The following VEPH1 variants were observed in gnomAD, a reference collection of about 807,000 sequenced individuals.
VEPH1 encodes ventricular zone-expressed PH domain-containing protein homolog 1.
Under a neutral mutation model 85.2 loss-of-function variants are expected in VEPH1, and 80 were observed. The ratio of observed to expected loss-of-function variants is 0.94; its 90% confidence interval spans 0.78 to 1.13. The LOEUF (loss-of-function observed/expected upper bound fraction) is 1.13. Among genes scored for constraint, VEPH1 ranks in the 50% most tolerant of loss-of-function variants. The probability of loss-of-function intolerance (pLI) is 0.00; values close to 1 mark genes in which losing one functional copy is unlikely to be tolerated. For missense variants in VEPH1, 955 were observed against 980.5 expected (o/e 0.97, Z 0.35); for synonymous variants, 297 against 348.0 (o/e 0.85, Z 1.63).
At chr3:157,438,660 GGA>G (rs1208456076) in intron 4 of VEPH1, among the ~76,000 whole-genome samples, 1 of 152,136 alleles carries the variant, frequency 6.6e-6, no homozygotes, top group Admixed American at 6.5e-5. Flanking sequence ...GGGCCAAGCA[GGA>G]GAGAGACTGT....
intron 2 of VEPH1, among the ~76,000 whole-genome samples, chr3:157,484,176 G>A (rs1181485112): frequency 6.6e-6 from 1 of 152,122 alleles, no homozygotes; most frequent in Non-Finnish European, 1.5e-5. Flanking sequence ...GAAATGAAAT[G>A]GCTGCCAATC....
At chr3:157,269,127 A>G (rs568810720) in intron 12 of VEPH1, among the ~76,000 whole-genome samples, 130 of 152,360 alleles carry the variant, frequency 8.5e-4, no homozygotes, top group Middle Eastern at 3.4e-3. Flanking sequence ...ATTTAAGTAC[A>G]TGGATCCTTT....
chr3:157,263,735 A>C (rs1395867626), intron 13 of VEPH1, among the ~76,000 whole-genome samples: 30 of 152,238 alleles, frequency 2.0e-4, no homozygotes, highest in Non-Finnish European at 2.9e-5. Context: ...TTTTTCATTC[A>C]AAAAGTTAAC....
intron 2 of VEPH1, among the ~76,000 whole-genome samples, chr3:157,494,665 A>G (rs1429199123): frequency 1.3e-5 from 2 of 152,138 alleles, no homozygotes; most frequent in Non-Finnish European, 2.9e-5. Flanking sequence ...AAGCAAGGGA[A>G]AGATAAAAAT....
intron 13 of VEPH1, among the ~76,000 whole-genome samples, chr3:157,261,970 T>C (rs6441123): frequency 0.4 from 60,711 of 151,960 alleles, 12,600 homozygotes; most frequent in East Asian, 0.57. Flanking sequence ...TGGGCTAAGA[T>C]GAATAATTTT....
At chr3:157,362,626 A>AT (rs1381700628) in intron 9 of VEPH1, among the ~76,000 whole-genome samples, 3 of 152,122 alleles carry the variant, frequency 2.0e-5, no homozygotes, top group African/African-American at 4.8e-5. Flanking sequence ...CAACCATTCT[A>AT]TTTTTCACTT....
At chr3:157,418,782 C>T (rs1732112342) in intron 5 of VEPH1, among the ~76,000 whole-genome samples, 1 of 152,132 alleles carries the variant, frequency 6.6e-6, no homozygotes, top group South Asian at 2.1e-4. Context: ...AGATTCAATG[C>T]TACTCTCATT....
chr3:157,332,985 A>G (rs929744664), intron 9 of VEPH1, among the ~76,000 whole-genome samples: 2 of 152,198 alleles, frequency 1.3e-5, no homozygotes, highest in African/African-American at 4.8e-5. Flanking sequence ...CAATACTCAA[A>G]TCAGGATCAT....
intron 12 of VEPH1, among the ~76,000 whole-genome samples, chr3:157,278,179 G>A (rs1715635207): frequency 6.6e-6 from 1 of 152,176 alleles, no homozygotes; most frequent in East Asian, 1.9e-4. Flanking sequence ...TGGAGAAGAA[G>A]TTTGGGGTGC....
chr3:157,477,419 T>C (rs1737584841), intron 2 of VEPH1, among the ~76,000 whole-genome samples: 4 of 152,224 alleles, frequency 2.6e-5, no homozygotes, highest in African/African-American at 9.6e-5. Context: ...AATTATATTA[T>C]ATCTGAAAAG....
At chr3:157,330,235 CTA>C (rs1318735434) in intron 9 of VEPH1, among the ~76,000 whole-genome samples, 2 of 152,164 alleles carry the variant, frequency 1.3e-5, no homozygotes, top group Admixed American at 1.3e-4. Flanking sequence ...AGCAAGACCT[CTA>C]TAGTCAATTT....
At position 157,381,089 on chromosome 3, in the gene VEPH1, A is replaced by G; in HGVS notation, c.1127+67T>C. 2.0e-6 allele frequency: 3 copies of G among 1,522,810 alleles called. No individual in the cohort carries two copies. In the Admixed American group the frequency reaches 5.0e-5, roughly 25 times the overall value. The allele number at this position is 1,522,810 out of a possible 1,614,324, so 94.3% of individuals were successfully genotyped here. A position where few individuals can be genotyped will look rare whatever the true frequency, so the allele number is the denominator to read the frequency against. ...CTTCCTTTGGAAGTTAGAGAGGCTT[A>G]ACTGTCTGCATTCTACCCCCACAGG... On this transcript the variant is annotated intron_variant, in intron 7 of 13. Coordinates refer to ENST00000362010, the MANE Select transcript of VEPH1 (RefSeq NM_001167912.2).
chr3:157,313,604 A>G lies in VEPH1; in HGVS notation c.2010+17T>C. On this transcript the variant is annotated intron_variant, in intron 11 of 13. Coordinates refer to ENST00000362010, the MANE Select transcript of VEPH1 (RefSeq NM_001167912.2). ...TAAATCTTGGCCTGTAACATGGCCA[A>G]GGAAAGGAATATTTACCTTCTGCTG... is the stretch of plus-strand genomic sequence containing the variant. The G allele has an allele frequency of 6.2e-7, 1 of 1,612,554 alleles. No homozygotes were observed. Among genetic ancestry groups the G allele is most frequent in the Non-Finnish European group, 8.5e-7 (1 of 1,178,820 alleles).
At chr3:157,460,993 T>G (rs1364379492) in intron 3 of VEPH1, among the ~76,000 whole-genome samples, 1 of 152,060 alleles carries the variant, frequency 6.6e-6, no homozygotes, top group Non-Finnish European at 1.5e-5. Flanking sequence ...GATTTACACT[T>G]GAGAAAAAAA....
At chr3:157,428,745 G>A (rs1265853407) in intron 4 of VEPH1, among the ~76,000 whole-genome samples, 1 of 152,122 alleles carries the variant, frequency 6.6e-6, no homozygotes, top group African/African-American at 2.4e-5. Context: ...TGCACCATGG[G>A]GATAGAGGAA....
chr3:157,325,523 G>A (rs1014536121), intron 9 of VEPH1, among the ~76,000 whole-genome samples: 37 of 152,142 alleles, frequency 2.4e-4, no homozygotes, highest in African/African-American at 8.9e-4. Flanking sequence ...TGTATAAGGT[G>A]TAAGGAAGGG....
intron 3 of VEPH1, among the ~76,000 whole-genome samples, chr3:157,465,298 T>C (rs1481735414): frequency 1.3e-5 from 2 of 152,230 alleles, no homozygotes; most frequent in African/African-American, 2.4e-5. Flanking sequence ...AGAGACAGGA[T>C]ATTTAAAAAG....
rs536943904 is a variant in VEPH1, at chr3:157,497,656, G to A, written c.-157-2150C>T. On this transcript the variant is annotated intron_variant, in intron 1 of 13. Coordinates refer to ENST00000362010, the MANE Select transcript of VEPH1 (RefSeq NM_001167912.2). The stretch of plus-strand genomic sequence containing the variant: ...CTGCCCCAGTCATAGATGCTCAGGA[G>A]CTCCAAGAAGGAGCAGTAATACGTG... Among the ~76,000 whole-genome samples, 7 of 152,260 alleles carry A rather than the reference G, an allele frequency of 4.6e-5. No homozygotes were observed. In the East Asian group the frequency reaches 1.4e-3, roughly 29 times the overall value.
In VEPH1 at chr3:157,281,118, G is replaced by A. The variant is rs534852594; in HGVS notation, c.2128+5439C>T. Among the ~76,000 whole-genome samples, 14 of 143,404 alleles carry A rather than the reference G, an allele frequency of 9.8e-5. No individual in the cohort carries two copies. The South Asian group carries it at 3.1e-3, about 32-fold the overall frequency. The allele number at this position is 143,404 out of a possible 152,430, so 94.1% of individuals were successfully genotyped here. Reference sequence around the variant, plus strand: ...TGTGTGTGTGAGAGAGAGAGAGAGAGACAGAGAAAGACAGAGAGAGAAAGA... The same window carrying A: ...TGTGTGTGTGAGAGAGAGAGAGAGAAACAGAGAAAGACAGAGAGAGAAAGA... On this transcript the variant is annotated intron_variant, in intron 12 of 13. Coordinates refer to ENST00000362010, the MANE Select transcript of VEPH1 (RefSeq NM_001167912.2).
Sources: gnomAD v4.1 joint callset for allele counts (sites outside exome capture counted in the v4.1 genomes callset) on GRCh38, gnomAD v4.1.1 for gene constraint, MANE v1.5 for transcripts, NCBI Gene and HGNC (gene_info 2026-07-23, HGNC 2026-07-21) for gene names.